CFDP1: variants seen among roughly 807,000 people sequenced by gnomAD.
CFDP1 encodes the protein chromatin remodeling protein CFDP1, also known as heterochromatin-stabilizing protein CFDP1.
CFDP1 carries 31 observed loss-of-function variants against 40.1 expected under a neutral mutation model. The observed-to-expected ratio is 0.77, with a 90% confidence interval of 0.58 to 1.04. The LOEUF is 1.04. Among genes scored for constraint, CFDP1 ranks in the 50% least tolerant of loss-of-function variants. CFDP1 has a pLI of 0.00. For synonymous variants in CFDP1, 167 were observed against 120.0 expected, an observed-to-expected ratio of 1.39 and a Z score of -2.56; for missense variants, 423 against 343.4, an observed-to-expected ratio of 1.23 and a Z score of -1.83.
At chr16:75,332,457 T>A (rs949378786) in intron 5 of CFDP1, among the ~76,000 whole-genome samples, 5 of 151,552 alleles carry the variant, frequency 3.3e-5, no homozygotes, top group African/African-American at 4.9e-5. Flanking sequence ...AGAGTGAGAC[T>A]CCATTACAAA....
chr16:75,376,896 T>C (rs2078803570), intron 5 of CFDP1, among the ~76,000 whole-genome samples: 1 of 152,212 alleles, frequency 6.6e-6, no homozygotes, highest in South Asian at 2.1e-4. Flanking sequence ...AATTTCTGCA[T>C]AAACTGCCCC....
chr16:75,422,720 C>CA (rs71380735), intron 1 of CFDP1, among the ~76,000 whole-genome samples: 27,396 of 146,982 alleles, frequency 0.19, 2,611 homozygotes, highest in Middle Eastern at 0.23. Flanking sequence ...AAACTGTGAT[C>CA]AAAAAAAAAA....
intron 4 of CFDP1, among the ~76,000 whole-genome samples, chr16:75,410,254 G>A (rs2079147594): frequency 6.6e-6 from 1 of 151,926 alleles, no homozygotes; most frequent in African/African-American, 2.4e-5. Context: ...CAATGTAACT[G>A]CCTATAAAAT....
chr16:75,324,785 T>C (rs1037958317), intron 5 of CFDP1: 1 of 151,676 alleles, frequency 6.6e-6, no homozygotes, highest in Admixed American at 6.6e-5. Flanking sequence ...GAAAGATTAG[T>C]GGAGCTGGGA....
In CFDP1 at chr16:75,409,753, G is replaced by A. The variant is rs531753311; in HGVS notation, c.530+2072C>T. ...TCAGCCAAAACAAAAGAAAAACCCA[G>A]ATATAGATGGTGAGAGAGAGGCAAT... On this transcript the variant is annotated intron_variant, in intron 4 of 6. Transcript: ENST00000283882. Among the ~76,000 whole-genome samples the A allele has an allele frequency of 3.3e-5, 5 of 152,240 alleles. No individual in the cohort carries two copies. The East Asian group carries it at 9.7e-4, about 29-fold the overall frequency.
intron 4 of CFDP1, among the ~76,000 whole-genome samples, chr16:75,405,112 G>C (rs1345646865): frequency 6.6e-6 from 1 of 152,030 alleles, no homozygotes; most frequent in Non-Finnish European, 1.5e-5. Context: ...ATGAGCAGTG[G>C]GCCCTTCCAT....
intron 5 of CFDP1, among the ~76,000 whole-genome samples, chr16:75,337,426 C>T (rs1438398525): frequency 6.6e-6 from 1 of 152,238 alleles, no homozygotes; most frequent in Non-Finnish European, 1.5e-5. Context: ...GCTTTACTGA[C>T]CTTTGCCCCT....
chr16:75,395,656 C>A (rs2078990475), intron 4 of CFDP1, among the ~76,000 whole-genome samples: 2 of 151,606 alleles, frequency 1.3e-5, no homozygotes, highest in Admixed American at 1.3e-4. Context: ...GAGACACCGT[C>A]TCAAAAAAAT....
chr16:75,402,698 A>T (rs2079065924), intron 4 of CFDP1, among the ~76,000 whole-genome samples: 2 of 152,330 alleles, frequency 1.3e-5, no homozygotes, highest in Middle Eastern at 3.4e-3. Flanking sequence ...ACATGAAGAA[A>T]TTAAAAGATA....
chr16:75,303,841 C>A (rs1285037033), intron 6 of CFDP1, among the ~76,000 whole-genome samples: 1 of 152,100 alleles, frequency 6.6e-6, no homozygotes, highest in East Asian at 1.9e-4. Context: ...GGAGCTGAGC[C>A]TCAGAGGTGT....
At chr16:75,400,368 T>C (rs1438655914) in intron 4 of CFDP1, among the ~76,000 whole-genome samples, 7 of 152,204 alleles carry the variant, frequency 4.6e-5, no homozygotes, top group Non-Finnish European at 1.0e-4. Context: ...TCTGATCTCC[T>C]AAGCCTACAG....
chr16:75,300,074 A>G (rs1212543109), intron 6 of CFDP1, among the ~76,000 whole-genome samples: 2 of 152,260 alleles, frequency 1.3e-5, no homozygotes, highest in South Asian at 4.1e-4. Flanking sequence ...GAGATGAAAA[A>G]TGGTATTTTT....
intron 5 of CFDP1, among the ~76,000 whole-genome samples, chr16:75,376,392 C>T (rs2078796858): frequency 6.6e-6 from 1 of 152,082 alleles, no homozygotes; most frequent in Non-Finnish European, 1.5e-5. Flanking sequence ...TATATATGAA[C>T]AATTTATAAA....
At chr16:75,392,134 A>G (rs1426386790) in intron 5 of CFDP1, among the ~76,000 whole-genome samples, 1 of 151,692 alleles carries the variant, frequency 6.6e-6, no homozygotes, top group Non-Finnish European at 1.5e-5. Flanking sequence ...GGATGGGTGC[A>G]GTGGCTCATG....
chr16:75,381,821 C>A (rs998101551), intron 5 of CFDP1, among the ~76,000 whole-genome samples: 4 of 152,002 alleles, frequency 2.6e-5, no homozygotes, highest in African/African-American at 9.7e-5. Context: ...AAGGACAGAG[C>A]AGAGGGAGAA....
chr16:75,345,996 T>A (rs866603628), intron 5 of CFDP1, among the ~76,000 whole-genome samples: 19 of 152,278 alleles, frequency 1.2e-4, no homozygotes, highest in African/African-American at 4.3e-4. Flanking sequence ...AGAAGAAATC[T>A]GAATGCATGT....
chr16:75,420,337 T>C (rs1234488284), intron 1 of CFDP1, among the ~76,000 whole-genome samples: 1 of 152,160 alleles, frequency 6.6e-6, no homozygotes. Context: ...CCATTGATAA[T>C]GCATTCTGGC....
At chr16:75,309,516 T>A (rs2078279637) in intron 5 of CFDP1, among the ~76,000 whole-genome samples, 2 of 151,556 alleles carry the variant, frequency 1.3e-5, no homozygotes, top group Non-Finnish European at 2.9e-5. Context: ...CCTTGGAGAT[T>A]TGTTTTCATC....
At position 75,399,033 on chromosome 16, in the gene CFDP1, G is replaced by C. The variant is rs59986898; in HGVS notation, c.531-3824C>G. On this transcript the variant is annotated intron_variant, in intron 4 of 6. Coordinates refer to ENST00000283882, the MANE Select transcript of CFDP1 (RefSeq NM_006324.3). ...AATCATGCCACTGCACTTCAGCCTG[G>C]GAGACAGAGCGAGACTCCGTCTCAA... Among the ~76,000 whole-genome samples, 4,114 of 147,442 alleles carry C rather than the reference G, an allele frequency of 0.028. 269 individuals are homozygous for C. The East Asian group carries it at 0.31, about 11-fold the overall frequency.
Sources: gnomAD v4.1 joint callset for allele counts (sites outside exome capture counted in the v4.1 genomes callset) on GRCh38, gnomAD v4.1.1 for gene constraint, MANE v1.5 for transcripts, NCBI Gene and HGNC (gene_info 2026-07-23, HGNC 2026-07-21) for gene names.